Variants in NAT8L observed in about 807,000 individuals in gnomAD.
NAT8L encodes N-acetylaspartate synthetase.
In NAT8L, 6 loss-of-function variants were observed where a neutral mutation model predicts 21.2. The ratio of observed to expected loss-of-function variants is 0.28; its 90% CI spans 0.16 to 0.56. The LOEUF (loss-of-function observed/expected upper bound fraction) is 0.56, where lower values mean the gene tolerates loss of function less well. Among genes scored for constraint, NAT8L ranks in the 20% least tolerant of loss-of-function variants. The pLI is 0.93. For missense variants in NAT8L, 331 were observed against 433.3 expected (o/e 0.76, Z 2.10); for synonymous variants, 239 against 204.9 (o/e 1.17, Z -1.42).
rs1730040323 is a variant in NAT8L at position 2,068,075 on chromosome 4, G to C, written c.*3948G>C. On this transcript the variant is annotated 3_prime_UTR_variant, in exon 3 of 3. Transcript: ENST00000423729. ...ATTTTTTTTAAAACAGCAATAATTA[G>C]CCATTTTAAAGGAGGGATGTACCTG... is the stretch of plus-strand genomic sequence containing the variant. 1 of 152,306 alleles carries C rather than the reference G, an allele frequency of 6.6e-6. No individual in the cohort carries two copies. The highest frequency in any genetic ancestry group is 6.5e-5 in the Admixed American group (1 of 15,284). 9.4% of individuals were successfully genotyped at this position (152,306 alleles called of 1,614,324 possible).
rs1729822854 is a variant in NAT8L, at chr4:2,060,048, T to TGGGGATGGGCGCAGGGCCCCGAGCGGGCC, written c.376+164_376+192dup. ...CCCCGCGCAGGGCTGGCTATGGGCG[T>TGGGGATGGGCGCAGGGCCCCGAGCGGGCC]GGGGATGGGCGCAGGGCCCCGAGCG... On this transcript the variant is annotated intron_variant, in intron 1 of 2. Coordinates refer to ENST00000423729, the MANE Select transcript of NAT8L (RefSeq NM_178557.4). This position sits in a 1 kb window ranked among gnomAD's most constrained non-coding sequence, Gnocchi z 4.7. 6.6e-6 allele frequency among the ~76,000 whole-genome samples: 1 copy of TGGGGATGGGCGCAGGGCCCCGAGCGGGCC among 150,976 alleles called. No homozygotes were observed. Among genetic ancestry groups the TGGGGATGGGCGCAGGGCCCCGAGCGGGCC allele is most frequent in the Non-Finnish European group, 1.5e-5 (1 of 67,694 alleles).
At position 2,059,966 on chromosome 4, in the gene NAT8L, C is replaced by T; in HGVS notation, c.376+79C>T. On this transcript the variant is annotated intron_variant, in intron 1 of 2. Transcript: ENST00000423729. This position sits in a 1 kb window ranked among gnomAD's most constrained non-coding sequence, Gnocchi z 4.8. ...CCCCGCCCCGGCGTCCACGCGGACC[C>T]CGCGCCCGGCTCCCGGGGACCAGCC... The T allele has an allele frequency of 1.2e-6, 1 of 850,120 alleles. No homozygotes were observed. The allele number at this position is 850,120 out of a possible 1,614,324, so 52.7% of individuals were successfully genotyped here. A position where few individuals can be genotyped will look rare whatever the true frequency, so the allele number is the denominator to read the frequency against.
At chr4:2,063,036 C>G (rs527995064) in intron 2 of NAT8L, among the ~76,000 whole-genome samples, 1 of 152,242 alleles carries the variant, frequency 6.6e-6, no homozygotes, top group African/African-American at 2.4e-5. Flanking sequence ...CTCCTGGCTT[C>G]GTGCCTGACT....
rs1053508477 is a variant in NAT8L at position 2,060,556 on chromosome 4, G to T, written c.377-442G>T. Reference sequence around the variant, plus strand: ...AGCTCCCGGACGCTGGCCAGGAAGGGCTCTTGCTGGGGCCCTGGGAAGAGG... The same window carrying T: ...AGCTCCCGGACGCTGGCCAGGAAGGTCTCTTGCTGGGGCCCTGGGAAGAGG... On this transcript the variant is annotated intron_variant, in intron 1 of 2. Transcript: ENST00000423729. This position sits in a 1 kb window ranked among gnomAD's most constrained non-coding sequence, Gnocchi z 4.7. Among the ~76,000 whole-genome samples, 1 of 152,204 alleles carries T rather than the reference G, an allele frequency of 6.6e-6. No individual in the cohort carries two copies. The highest frequency in any genetic ancestry group is 1.5e-5 in the Non-Finnish European group (1 of 68,030).
At position 2,065,698 on chromosome 4, in the gene NAT8L, G is replaced by A. The variant is rs1232272647; in HGVS notation, c.*1571G>A. 1.3e-5 allele frequency: 2 copies of A among 152,478 alleles called. No homozygotes were observed. The highest frequency in any genetic ancestry group is 4.8e-5 in the African/African-American group (2 of 41,424). 9.4% of individuals were successfully genotyped at this position (152,478 alleles called of 1,614,324 possible). ...GAGCGAAGGGACAGAGAAGCCCTGC[G>A]TCCAAGGGCCTTTTGTCCTGTTAGC... On this transcript the variant is annotated 3_prime_UTR_variant, in exon 3 of 3. Coordinates refer to ENST00000423729, the MANE Select transcript of NAT8L (RefSeq NM_178557.4).
rs1360789410 is a variant in NAT8L at position 2,063,732 on chromosome 4, G to C, written c.542-28G>C. 2.5e-6 allele frequency: 4 copies of C among 1,608,038 alleles called. No homozygotes were observed. The South Asian group carries it at 3.3e-5, about 13-fold the overall frequency. The stretch of plus-strand genomic sequence containing the variant: ...GGGTCTCCCCAGCCTTCCTCACCGG[G>C]TGTCCCTGACCGCCCTATCCCCTGC... On this transcript the variant is annotated intron_variant, in intron 2 of 2. Transcript: ENST00000423729.
At position 2,060,324 on chromosome 4, in the gene NAT8L, A is replaced by T. The variant is rs532838749; in HGVS notation, c.376+437A>T. On this transcript the variant is annotated intron_variant, in intron 1 of 2. Coordinates refer to ENST00000423729, the MANE Select transcript of NAT8L (RefSeq NM_178557.4). This position sits in a 1 kb window ranked among gnomAD's most constrained non-coding sequence, Gnocchi z 4.7. ...CGCGGGGGGTGCGCGCGCCTGGCAC[A>T]GCCGGGGCGGTCGCAGAGGGCGGCC... 6.6e-6 allele frequency among the ~76,000 whole-genome samples: 1 copy of T among 152,330 alleles called. No individual in the cohort carries two copies. The highest frequency in any genetic ancestry group is 1.9e-4 in the East Asian group (1 of 5,168).
Position 2,059,778 on chromosome 4 carries a change from G to T in NAT8L, c.267G>T (p.Glu89Asp). 7.4e-7 allele frequency: 1 copy of T among 1,358,944 alleles called. No homozygotes were observed. The highest frequency in any genetic ancestry group is 3.7e-5 in the East Asian group (1 of 27,120). The allele number at this position is 1,358,944 out of a possible 1,614,324, so 84.2% of individuals were successfully genotyped here. ...GCGAGTTCCGTGCGGCCGAGCAGGA[G>T]GCGGCGCGCCGCATCTTCTACGACG... Reference protein sequence around the residue: ...CIREFRAAEQEAARRIFYDGI... With the variant: ...CIREFRAAEQDAARRIFYDGI... The change falls in exon 1 of 3, where the codon GAG becomes GAT. Residue 89 changes from glutamate to aspartate, a missense_variant. Physicochemically the swap from Glu to Asp is conservative, Grantham distance 45. This residue lies in a region of NAT8L where 199 missense variants were observed against 196.1 expected (regional missense o/e 1.01). Coordinates refer to ENST00000423729, the MANE Select transcript of NAT8L (RefSeq NM_178557.4). The surrounding 1 kb of genome is among the most constrained non-coding windows in gnomAD (Gnocchi z 4.8).
At chr4:2,062,062 G>T (rs1029993568) in intron 2 of NAT8L, among the ~76,000 whole-genome samples, 1 of 152,228 alleles carries the variant, frequency 6.6e-6, no homozygotes, top group African/African-American at 2.4e-5. Context: ...TGCTTGGGAG[G>T]GGAAACGGGC....
At chr4:2,062,627 G>A (rs1207115111) in intron 2 of NAT8L, among the ~76,000 whole-genome samples, 2 of 152,008 alleles carry the variant, frequency 1.3e-5, no homozygotes, top group Admixed American at 6.5e-5. Context: ...TCCCCCCCAC[G>A]CTGCTTCTCC....
chr4:2,062,069 G>T (rs763187426), intron 2 of NAT8L, among the ~76,000 whole-genome samples: 1 of 152,192 alleles, frequency 6.6e-6, no homozygotes, highest in Non-Finnish European at 1.5e-5. Flanking sequence ...GAGGGGAAAC[G>T]GGCCATGAGG....
In NAT8L at chr4:2,060,629, C is replaced by T. The variant is rs1044678625; in HGVS notation, c.377-369C>T. On this transcript the variant is annotated intron_variant, in intron 1 of 2. Coordinates refer to ENST00000423729, the MANE Select transcript of NAT8L (RefSeq NM_178557.4). This position sits in a 1 kb window ranked among gnomAD's most constrained non-coding sequence, Gnocchi z 4.7. ...AACGTGGGACACCCCCCTTCCTCCTCCCCCCTCCCCCCTCCCCCGCGCGGG... is the reference window on the plus strand; with the variant it reads ...AACGTGGGACACCCCCCTTCCTCCTTCCCCCTCCCCCCTCCCCCGCGCGGG... 2.0e-5 allele frequency among the ~76,000 whole-genome samples: 3 copies of T among 151,074 alleles called. No homozygotes were observed. Among genetic ancestry groups the T allele is most frequent in the East Asian group, 2.0e-4 (1 of 5,106 alleles).
rs1730037613 is a variant in NAT8L at position 2,067,939 on chromosome 4, A to G, written c.*3812A>G. 1 of 152,274 alleles carries G rather than the reference A, an allele frequency of 6.6e-6. No individual in the cohort carries two copies. The highest frequency in any genetic ancestry group is 2.4e-5 in the African/African-American group (1 of 41,460). The allele number at this position is 152,274 out of a possible 1,614,324, so 9.4% of individuals were successfully genotyped here. ...GAGTTCCAGACTTGCAGACCCTGGGATCCGCTTACTCCTCCGCGCCACGGC... is the reference window on the plus strand; with the variant it reads ...GAGTTCCAGACTTGCAGACCCTGGGGTCCGCTTACTCCTCCGCGCCACGGC... On this transcript the variant is annotated 3_prime_UTR_variant, in exon 3 of 3. Transcript: ENST00000423729.
rs1170507946 is a variant in NAT8L at position 2,063,941 on chromosome 4, C to T, written c.723C>T (p.Tyr241=). 1 of 1,612,072 alleles carries T rather than the reference C, an allele frequency of 6.2e-7. No individual in the cohort carries two copies. Among genetic ancestry groups the T allele is most frequent in the Non-Finnish European group, 8.5e-7 (1 of 1,179,786 alleles). Residue 241 remains tyrosine, a synonymous_variant, in exon 3 of 3, where the codon TAC becomes TAT. Coordinates refer to ENST00000423729, the MANE Select transcript of NAT8L (RefSeq NM_178557.4). The part of the protein sequence containing the change: ...KVLEFAVVHN[Y]SAVVLGTTAV... ...TGGAGTTCGCCGTGGTGCACAACTA[C>T]TCCGCGGTGGTGCTGGGCACGACGG... is the stretch of plus-strand genomic sequence containing the variant.
chr4:2,061,341 G>A (rs1326293285), intron 2 of NAT8L, among the ~76,000 whole-genome samples, 179 bp downstream of exon 2: 2 of 152,230 alleles, frequency 1.3e-5, no homozygotes, highest in African/African-American at 4.8e-5. Flanking sequence ...GCTGGGGGAG[G>A]CACGGCCGGT....
rs1488110087 is a variant in NAT8L, at chr4:2,063,757, C to A, written c.542-3C>A. Reference sequence around the variant, plus strand: ...GTGTCCCTGACCGCCCTATCCCCTGCAGGCTCCTGCTTCTGGGTGGCCGTG... The same window carrying A: ...GTGTCCCTGACCGCCCTATCCCCTGAAGGCTCCTGCTTCTGGGTGGCCGTG... On this transcript the variant is annotated splice_region_variant and splice_polypyrimidine_tract_variant and intron_variant, in intron 2 of 2. Transcript: ENST00000423729. 5 of 1,610,846 alleles carry A rather than the reference C, an allele frequency of 3.1e-6. No homozygotes were observed. In the Admixed American group the frequency reaches 5.0e-5, roughly 16 times the overall value.
chr4:2,060,899 C>T lies in NAT8L; in HGVS notation c.377-99C>T. On this transcript the variant is annotated intron_variant, in intron 1 of 2. Transcript: ENST00000423729. The surrounding 1 kb of genome is among the most constrained non-coding windows in gnomAD (Gnocchi z 4.7). ...ATGACCCCGGCTCCTCCACCAGGAG[C>T]GCGGCCGGGCGCGGCGTCCCTAGCG... is the stretch of plus-strand genomic sequence containing the variant. 7.6e-6 allele frequency: 4 copies of T among 525,122 alleles called. No homozygotes were observed. The South Asian group carries it at 1.2e-4, about 16-fold the overall frequency. The allele number at this position is 525,122 out of a possible 1,614,324, so 32.5% of individuals were successfully genotyped here.
rs1577665487 is a variant in NAT8L, at chr4:2,059,716, G to A, written c.205G>A (p.Gly69Ser). Residue 69 changes from glycine (G) to serine (S), a missense_variant, in exon 1 of 3, where the codon GGC becomes AGC. By Grantham distance (56) the Gly-to-Ser change is moderately conservative. Around this residue, in one of 2 missense-constraint regions of NAT8L, gnomAD observed 199 missense variants for 196.1 expected, o/e 1.01. Transcript: ENST00000423729. The surrounding 1 kb of genome is among the most constrained non-coding windows in gnomAD (Gnocchi z 4.8). ...PVAQPHGGAG[G>S]AGPPGGRGVC... ...GGCTCAGCCTCACGGCGGGGCGGGGGGCGCGGGGCCGCCGGGGGGGCGCGG... is the reference window on the plus strand; with the variant it reads ...GGCTCAGCCTCACGGCGGGGCGGGGAGCGCGGGGCCGCCGGGGGGGCGCGG... 3.6e-6 allele frequency: 4 copies of A among 1,121,258 alleles called. No homozygotes were observed. Among genetic ancestry groups the A allele is most frequent in the Non-Finnish European group, 4.3e-6 (4 of 920,202 alleles). The allele number at this position is 1,121,258 out of a possible 1,614,324, so 69.5% of individuals were successfully genotyped here.
chr4:2,063,784 T>A lies in NAT8L; in HGVS notation c.566T>A (p.Leu189Gln), dbSNP rs764528717. 4 of 1,612,018 alleles carry A rather than the reference T, an allele frequency of 2.5e-6. No homozygotes were observed. Residue 189 changes from leucine (L) to glutamine (Q), a missense_variant, in exon 3 of 3, where the codon CTG becomes CAG. By Grantham distance (113) the Leu-to-Gln change is moderately radical. Coordinates refer to ENST00000423729, the MANE Select transcript of NAT8L (RefSeq NM_178557.4). ...PPGSCFWVAV[L>Q]DGNVVGIVAA... Reference sequence around the variant, plus strand: ...GGCTCCTGCTTCTGGGTGGCCGTGCTGGATGGCAACGTGGTGGGCATTGTG... The same window carrying A: ...GGCTCCTGCTTCTGGGTGGCCGTGCAGGATGGCAACGTGGTGGGCATTGTG...
Sources: gnomAD v4.1 joint callset for allele counts (sites outside exome capture counted in the v4.1 genomes callset) on GRCh38, gnomAD v4.1.1 for gene constraint, gnomAD v4.1.1 regional missense constraint, Gnocchi (gnomAD v3.1) non-coding constraint, MANE v1.5 for transcripts, NCBI Gene and HGNC (gene_info 2026-07-23, HGNC 2026-07-21) for gene names.